Variants in ERBB4 observed in about 807,000 individuals in gnomAD.
ERBB4 encodes receptor tyrosine-protein kinase erbB-4.
A neutral mutation model predicts 158.0 loss-of-function variants in ERBB4; 42 were observed. That is an observed-to-expected ratio of 0.27 (90% CI 0.21 to 0.34). The LOEUF (loss-of-function observed/expected upper bound fraction) is 0.34, where lower values mean the gene tolerates loss of function less well. Among genes scored for constraint, ERBB4 ranks in the 10% least tolerant of loss-of-function variants. The pLI is 1.00. For synonymous variants in ERBB4, 583 were observed against 558.7 expected, an observed-to-expected ratio of 1.04 and a Z score of -0.61; for missense variants, 1,333 against 1,624.1, an observed-to-expected ratio of 0.82 and a Z score of 3.08.
At chr2:212,507,818 A>T (rs111433909) in intron 1 of ERBB4, among the ~76,000 whole-genome samples, 2 of 152,224 alleles carry the variant, frequency 1.3e-5, no homozygotes, top group Admixed American at 1.3e-4. Flanking sequence ...AAGATTTACA[A>T]TACTATATAA....
intron 1 of ERBB4, among the ~76,000 whole-genome samples, chr2:212,435,187 C>T (rs2092110961): frequency 6.6e-6 from 1 of 151,966 alleles, no homozygotes; most frequent in Non-Finnish European, 1.5e-5. Flanking sequence ...GTTGATATTC[C>T]TTCTGGTGCC....
chr2:211,838,049 A>T (rs1559560995), intron 3 of ERBB4, among the ~76,000 whole-genome samples: 1 of 151,978 alleles, frequency 6.6e-6, no homozygotes, highest in Non-Finnish European at 1.5e-5. Flanking sequence ...ACACAGTGCT[A>T]TTTCATGGGT....
At chr2:211,440,196 T>G (rs1453835847) in intron 20 of ERBB4, among the ~76,000 whole-genome samples, 1 of 152,186 alleles carries the variant, frequency 6.6e-6, no homozygotes, top group African/African-American at 2.4e-5. Flanking sequence ...ATTGATCTCT[T>G]GCCAATATGG....
At chr2:211,789,650 C>T (rs1291762227) in intron 3 of ERBB4, among the ~76,000 whole-genome samples, 1 of 152,076 alleles carries the variant, frequency 6.6e-6, no homozygotes, top group African/African-American at 2.4e-5. Context: ...AAAACCCAGA[C>T]CAGCAGGGGT....
At chr2:211,945,158 C>T (rs998328218) in intron 3 of ERBB4, among the ~76,000 whole-genome samples, 1 of 152,046 alleles carries the variant, frequency 6.6e-6, no homozygotes, top group African/African-American at 2.4e-5. Context: ...GAACATTTAG[C>T]CTTTTAAGAT....
chr2:212,454,605 T>C (rs573906296), intron 1 of ERBB4, among the ~76,000 whole-genome samples: 1 of 152,360 alleles, frequency 6.6e-6, no homozygotes, highest in East Asian at 1.9e-4. Flanking sequence ...AATAGCTTAA[T>C]GATTCCCATA....
At chr2:211,879,095 T>C (rs2078593818) in intron 3 of ERBB4, among the ~76,000 whole-genome samples, 2 of 152,140 alleles carry the variant, frequency 1.3e-5, no homozygotes, top group African/African-American at 2.4e-5. Flanking sequence ...CCAAGCTATC[T>C]GGTTGAAGAT....
intron 1 of ERBB4, among the ~76,000 whole-genome samples, chr2:212,130,434 A>G (rs749349246): frequency 2.6e-5 from 4 of 152,176 alleles, no homozygotes; most frequent in Non-Finnish European, 5.9e-5. Context: ...ATCCTCATTC[A>G]GTAAAAAAGT....
At chr2:212,148,493 T>C (rs1211610736) in intron 1 of ERBB4, among the ~76,000 whole-genome samples, 1 of 151,914 alleles carries the variant, frequency 6.6e-6, no homozygotes, top group South Asian at 2.1e-4. Context: ...ACATAAGTAA[T>C]ACAAAGCCCT....
intron 20 of ERBB4, among the ~76,000 whole-genome samples, chr2:211,444,014 T>G (rs895295330): frequency 6.6e-6 from 1 of 152,024 alleles, no homozygotes; most frequent in African/African-American, 2.4e-5. Context: ...ATCCCAAAGA[T>G]CATCTATCAA....
chr2:212,517,540 T>C (rs78562314), intron 1 of ERBB4, among the ~76,000 whole-genome samples: 6,566 of 152,162 alleles, frequency 0.043, 216 homozygotes, highest in Non-Finnish European at 0.068. Flanking sequence ...GTAAGTTCAA[T>C]GTAGTAAAAA....
chr2:212,201,249 A>T (rs1402045851), intron 1 of ERBB4, among the ~76,000 whole-genome samples: 1 of 152,166 alleles, frequency 6.6e-6, no homozygotes, highest in Non-Finnish European at 1.5e-5. Flanking sequence ...TAACTATGTT[A>T]AATTACCTTT....
At chr2:212,025,981 G>A (rs1239957522) in intron 2 of ERBB4, among the ~76,000 whole-genome samples, 1 of 151,716 alleles carries the variant, frequency 6.6e-6, no homozygotes, top group Non-Finnish European at 1.5e-5. Flanking sequence ...TGGGATGAGA[G>A]TAACTGTCCT....
At chr2:211,862,497 G>A (rs2078086148) in intron 3 of ERBB4, among the ~76,000 whole-genome samples, 1 of 151,666 alleles carries the variant, frequency 6.6e-6, no homozygotes, top group African/African-American at 2.4e-5. Context: ...ATGTTCATAA[G>A]TCAAAACTCA....
chr2:212,495,859 A>G (rs527325416), intron 1 of ERBB4, among the ~76,000 whole-genome samples: 61 of 152,290 alleles, frequency 4.0e-4, no homozygotes, highest in African/African-American at 1.4e-3. Flanking sequence ...GTTACTATTT[A>G]TGGTGCTTAA....
chr2:212,161,756 T>C (rs1485171409), intron 1 of ERBB4, among the ~76,000 whole-genome samples: 1 of 151,872 alleles, frequency 6.6e-6, no homozygotes, highest in African/African-American at 2.4e-5. Flanking sequence ...ATATATAGTA[T>C]AAGAATTCAA....
chr2:212,037,808 G>T (rs1382110061), intron 2 of ERBB4, among the ~76,000 whole-genome samples: 2 of 152,102 alleles, frequency 1.3e-5, no homozygotes, highest in East Asian at 3.8e-4. Flanking sequence ...TTAAATAACT[G>T]CTTGAAATTC....
chr2:211,556,409 G>A (rs2067238732), intron 20 of ERBB4, among the ~76,000 whole-genome samples: 1 of 152,088 alleles, frequency 6.6e-6, no homozygotes, highest in South Asian at 2.1e-4. Context: ...AGGTCTTCAG[G>A]ACCTAAATTC....
intron 3 of ERBB4, among the ~76,000 whole-genome samples, chr2:211,920,915 T>C (rs2079841976): frequency 6.6e-6 from 1 of 151,908 alleles, no homozygotes. Flanking sequence ...TGAAAATACA[T>C]ATTTTGAATT....
Sources: gnomAD v4.1 joint callset for allele counts (sites outside exome capture counted in the v4.1 genomes callset) on GRCh38, gnomAD v4.1.1 for gene constraint, MANE v1.5 for transcripts, NCBI Gene and HGNC (gene_info 2026-07-23, HGNC 2026-07-21) for gene names.